The following RP9 variants were observed in gnomAD, a reference collection of about 807,000 sequenced individuals.
RP9 encodes the protein retinitis pigmentosa 9 protein.
RP9 carries 23 observed loss-of-function variants against 32.6 expected under a neutral mutation model. The observed-to-expected ratio is 0.71, with a 90% CI of 0.51 to 1.00. RP9 has a LOEUF of 1.00. Among genes scored for constraint, RP9 ranks in the 50% least tolerant of loss-of-function variants. The pLI is 0.00. For synonymous variants in RP9, 94 were observed against 103.6 expected (o/e 0.91, Z 0.56); for missense variants, 245 against 285.3 (o/e 0.86, Z 1.02).
At chr7:33,101,396 A>G (rs928065100) in intron 1 of RP9, among the ~76,000 whole-genome samples, 3 of 151,962 alleles carry the variant, frequency 2.0e-5, no homozygotes, top group Non-Finnish European at 4.4e-5. Flanking sequence ...GAGGTCAGGA[A>G]TTCGAGACTA....
chr7:33,096,420 T>G, intron 5 of RP9, 73 bp downstream of exon 5: 2 of 1,019,752 alleles, frequency 2.0e-6, no homozygotes, highest in Non-Finnish European at 3.1e-6. Context: ...CCTCTAACAC[T>G]AGAGTGGTTT....
In RP9 at chr7:33,109,223, G is replaced by A. The variant is rs1221410896; in HGVS notation, c.150C>T (p.Ser50=). The A allele has an allele frequency of 3.3e-6, 5 of 1,497,654 alleles. No individual in the cohort carries two copies. Among genetic ancestry groups the A allele is most frequent in the Admixed American group, 2.1e-5 (1 of 46,810 alleles). 92.8% of individuals were successfully genotyped at this position (1,497,654 alleles called of 1,614,324 possible). A position where few individuals can be genotyped will look rare whatever the true frequency, so the allele number is the denominator to read the frequency against. Reference sequence around the variant, plus strand: ...GCGGACGGCAGCTCGGGACTCACAAGGACTCCAGGTGCTTGAGCTGCTGCA... The same window carrying A: ...GCGGACGGCAGCTCGGGACTCACAAAGACTCCAGGTGCTTGAGCTGCTGCA... ...QQLQQLKHLE[S]FYEKPPPGLI... is the part of the protein sequence containing the mutation. The change falls in exon 1 of 6, where the codon TCC becomes TCT. Residue 50 remains serine (S), a splice_region_variant and synonymous_variant. Transcript: ENST00000297157. This position sits in a 1 kb window ranked among gnomAD's most constrained non-coding sequence, Gnocchi z 4.9.
chr7:33,099,019 G>C (rs1788385244), intron 3 of RP9: 1 of 502,178 alleles, frequency 2.0e-6, no homozygotes, highest in African/African-American at 1.9e-5. Context: ...CTAAACAACA[G>C]AAACTGGTTT....
intron 3 of RP9, among the ~76,000 whole-genome samples, chr7:33,098,259 T>A (rs1307792549): frequency 6.6e-6 from 1 of 152,108 alleles, no homozygotes; most frequent in East Asian, 1.9e-4. Flanking sequence ...TGGTGGCGCA[T>A]GCCTGTAGTC....
At chr7:33,103,697 C>A (rs1010628777) in intron 1 of RP9, among the ~76,000 whole-genome samples, 1 of 152,038 alleles carries the variant, frequency 6.6e-6, no homozygotes, top group African/African-American at 2.4e-5. Context: ...TGTGCACCTG[C>A]AGTCCCAGCT....
intron 3 of RP9, among the ~76,000 whole-genome samples, chr7:33,097,938 T>A (rs928109830): frequency 4.6e-5 from 7 of 152,286 alleles, no homozygotes; most frequent in African/African-American, 7.2e-5. Context: ...ACATTTTTTT[T>A]AAAGTGTGTT....
At position 33,109,241 on chromosome 7, in the gene RP9, C is replaced by T. The variant is rs1225949282; in HGVS notation, c.132G>A (p.Gln44=). The T allele has an allele frequency of 1.3e-6, 2 of 1,496,426 alleles. No individual in the cohort carries two copies. The highest frequency in any genetic ancestry group is 1.8e-6 in the Non-Finnish European group (2 of 1,125,724). The allele number at this position is 1,496,426 out of a possible 1,614,324, so 92.7% of individuals were successfully genotyped here. ...RRRHDAQQLQ[Q]LKHLESFYEK... ...CTCACAAGGACTCCAGGTGCTTGAG[C>T]TGCTGCAGCTGCTGCGCGTCGTGTC... Residue 44 remains glutamine, a synonymous_variant, in exon 1 of 6, where the codon CAG becomes CAA. Coordinates refer to ENST00000297157, the MANE Select transcript of RP9 (RefSeq NM_203288.2). The surrounding 1 kb of genome is among the most constrained non-coding windows in gnomAD (Gnocchi z 4.9).
chr7:33,102,928 G>A (rs997495989), intron 1 of RP9, among the ~76,000 whole-genome samples: 1 of 152,226 alleles, frequency 6.6e-6, no homozygotes, highest in Non-Finnish European at 1.5e-5. Flanking sequence ...CTGTGGTGGA[G>A]ACTCAGGAGA....
intron 1 of RP9, among the ~76,000 whole-genome samples, chr7:33,105,755 A>C (rs1197573602): frequency 6.6e-6 from 1 of 152,152 alleles, no homozygotes; most frequent in Non-Finnish European, 1.5e-5. Flanking sequence ...TGACCACTGT[A>C]TTATACCCTT....
At position 33,105,679 on chromosome 7, in the gene RP9, A is replaced by G. The variant is rs1436432563; in HGVS notation, c.152+3542T>C. 3.3e-5 allele frequency among the ~76,000 whole-genome samples: 5 copies of G among 152,282 alleles called. No individual in the cohort carries two copies. In the East Asian group the frequency reaches 9.7e-4, roughly 29 times the overall value. On this transcript the variant is annotated intron_variant, in intron 1 of 5. Coordinates refer to ENST00000297157, the MANE Select transcript of RP9 (RefSeq NM_203288.2). The stretch of plus-strand genomic sequence containing the variant: ...GAAAGGGTCCTGCCCCATATCTGGG[A>G]GGAAGTAATCGTACACAGAGAGGCC...
chr7:33,100,618 A>C (rs552249692), intron 1 of RP9, 57 bp from the exon 2 acceptor site: 1 of 1,393,226 alleles, frequency 7.2e-7, no homozygotes, highest in East Asian at 2.3e-5. Context: ...TAACACATCA[A>C]GTTACTGCAA....
intron 1 of RP9, among the ~76,000 whole-genome samples, chr7:33,103,537 A>G (rs760718334): frequency 1.3e-5 from 2 of 152,190 alleles, no homozygotes; most frequent in Non-Finnish European, 2.9e-5. Flanking sequence ...AGTTGAGGCC[A>G]GAGCAGCGGC....
chr7:33,104,881 C>A (rs1246723547), intron 1 of RP9, among the ~76,000 whole-genome samples: 2 of 152,050 alleles, frequency 1.3e-5, no homozygotes, highest in Non-Finnish European at 2.9e-5. Context: ...ATGCCCAGCC[C>A]CAAAATGATT....
chr7:33,102,263 G>C (rs1454169049), intron 1 of RP9, among the ~76,000 whole-genome samples: 1 of 152,206 alleles, frequency 6.6e-6, no homozygotes, highest in Non-Finnish European at 1.5e-5. Flanking sequence ...ACTAAATACA[G>C]ATTAGAAAAC....
intron 2 of RP9, chr7:33,100,302 C>G (rs1236291104): frequency 1.7e-6 from 1 of 591,792 alleles, no homozygotes. Context: ...AAGGAATCCA[C>G]GTGGGCCTGC....
intron 1 of RP9, among the ~76,000 whole-genome samples, chr7:33,106,408 T>G (rs1788499011): frequency 6.6e-6 from 1 of 152,158 alleles, no homozygotes; most frequent in South Asian, 2.1e-4. Context: ...ACTTCTGGCC[T>G]CAAGCGATCT....
chr7:33,100,055 C>G (rs994202778), intron 2 of RP9: 1 of 179,162 alleles, frequency 5.6e-6, no homozygotes, highest in Non-Finnish European at 1.2e-5. Context: ...GCCTGCCACT[C>G]TAAGTCTCCC....
chr7:33,099,131 T>C, intron 3 of RP9, 176 bp downstream of exon 3: 1 of 725,874 alleles, frequency 1.4e-6, no homozygotes, highest in Admixed American at 2.2e-5. Context: ...CCCTCTTTCT[T>C]CTTCACATGG....
chr7:33,099,496 C>T, intron 2 of RP9, 60 bp from the exon 3 acceptor site: 4 of 1,601,000 alleles, frequency 2.5e-6, no homozygotes, highest in Non-Finnish European at 3.4e-6. Context: ...CTCCTGCTCC[C>T]CTTGGAGCCA....
Sources: gnomAD v4.1 joint callset for allele counts (sites outside exome capture counted in the v4.1 genomes callset) on GRCh38, gnomAD v4.1.1 for gene constraint, Gnocchi (gnomAD v3.1) non-coding constraint, MANE v1.5 for transcripts, NCBI Gene and HGNC (gene_info 2026-07-23, HGNC 2026-07-21) for gene names.